Variants in MIPOL1 observed in about 807,000 individuals in gnomAD.
MIPOL1 encodes the protein mirror-image polydactyly gene 1 protein.
Under a neutral mutation model 60.9 loss-of-function variants are expected in MIPOL1, and 57 were observed. The ratio of observed to expected loss-of-function variants is 0.94; its 90% CI spans 0.76 to 1.17. The LOEUF (loss-of-function observed/expected upper bound fraction) is 1.17, where lower values mean the gene tolerates loss of function less well. Among genes scored for constraint, MIPOL1 ranks in the 50% most tolerant of loss-of-function variants. The probability of loss-of-function intolerance (pLI) is 0.00; values close to 1 mark genes in which losing one functional copy is unlikely to be tolerated. For missense variants in MIPOL1, 551 were observed against 511.6 expected (o/e 1.08, Z -0.74); for synonymous variants, 179 against 168.8 (o/e 1.06, Z -0.47).
intron 9 of MIPOL1, among the ~76,000 whole-genome samples, chr14:37,310,199 C>CTCTG (rs1555390616): frequency 3.3e-5 from 5 of 152,068 alleles, no homozygotes; most frequent in African/African-American, 1.2e-4. Flanking sequence ...AAATGAATCT[C>CTCTG]TCTGTTTTGT....
chr14:37,395,675 T>C (rs1193780807), intron 10 of MIPOL1, among the ~76,000 whole-genome samples: 1 of 152,168 alleles, frequency 6.6e-6, no homozygotes, highest in East Asian at 1.9e-4. Context: ...TTTAGAGTTT[T>C]TGAGGTAAAC....
chr14:37,418,423 A>T (rs2093809902), intron 10 of MIPOL1, among the ~76,000 whole-genome samples: 1 of 152,154 alleles, frequency 6.6e-6, no homozygotes. Context: ...TAACTATAAG[A>T]CTAACCTTAG....
At chr14:37,366,731 T>C (rs550373855) in intron 9 of MIPOL1, among the ~76,000 whole-genome samples, 2 of 152,190 alleles carry the variant, frequency 1.3e-5, no homozygotes, top group East Asian at 3.9e-4. Context: ...AATATGTTCA[T>C]CTCTGAAAGT....
At chr14:37,517,834 A>C in intron 12 of MIPOL1, among the ~76,000 whole-genome samples, 1 of 152,196 alleles carries the variant, frequency 6.6e-6, no homozygotes, top group East Asian at 1.9e-4. Context: ...TCAGCCAGAA[A>C]CTAAAATGAT....
chr14:37,473,975 A>G (rs1172491584), intron 11 of MIPOL1, among the ~76,000 whole-genome samples: 2 of 152,036 alleles, frequency 1.3e-5, no homozygotes, highest in African/African-American at 2.4e-5. Context: ...TAATGTCTCT[A>G]TAGTTTAGTT....
At chr14:37,349,991 G>C (rs1226131285) in intron 9 of MIPOL1, among the ~76,000 whole-genome samples, 1 of 152,038 alleles carries the variant, frequency 6.6e-6, no homozygotes, top group African/African-American at 2.4e-5. Flanking sequence ...TTTTAAATCT[G>C]AATTATTAAA....
chr14:37,427,913 A>G (rs1011232708), intron 11 of MIPOL1, among the ~76,000 whole-genome samples: 7 of 152,212 alleles, frequency 4.6e-5, no homozygotes, highest in Admixed American at 2.0e-4. Context: ...GAAGGAACCT[A>G]AAACTAACTG....
chr14:37,394,427 G>T (rs2153523132), intron 10 of MIPOL1, among the ~76,000 whole-genome samples: 1 of 151,900 alleles, frequency 6.6e-6, no homozygotes, highest in African/African-American at 2.4e-5. Context: ...GTCATCTACT[G>T]TTTTTTTGAT....
chr14:37,398,427 G>T (rs1041277514), intron 10 of MIPOL1, among the ~76,000 whole-genome samples: 1 of 152,064 alleles, frequency 6.6e-6, no homozygotes, highest in Admixed American at 6.6e-5. Flanking sequence ...GCTAAAATTC[G>T]CAATGTGAGC....
At position 37,268,643 on chromosome 14, in the gene MIPOL1, GTTTC is replaced by G; in HGVS notation, c.252-11_252-8del. On this transcript the variant is annotated splice_polypyrimidine_tract_variant and intron_variant, in intron 4 of 12. Transcript: ENST00000684589. ...TTATCTTACTCTGAAATGTTAATCA[GTTTC>G]TTTATTACAGCGTTATGGAACATAG... The G allele has an allele frequency of 6.4e-7, 1 of 1,558,934 alleles. No homozygotes were observed. Among genetic ancestry groups the G allele is most frequent in the Non-Finnish European group, 8.7e-7 (1 of 1,155,504 alleles).
At chr14:37,444,957 A>G (rs1055747842) in intron 11 of MIPOL1, among the ~76,000 whole-genome samples, 85 of 152,326 alleles carry the variant, frequency 5.6e-4, no homozygotes, top group African/African-American at 2.0e-3. Context: ...TGACAAACCC[A>G]CAGCCAATAT....
chr14:37,230,890 AATATT>A (rs1407125241), intron 1 of MIPOL1, among the ~76,000 whole-genome samples: 1 of 152,180 alleles, frequency 6.6e-6, no homozygotes, highest in Non-Finnish European at 1.5e-5. Context: ...AGTACAATTC[AATATT>A]TTACCTATTC....
chr14:37,549,243 G>A lies in MIPOL1; in HGVS notation c.*2272G>A, dbSNP rs1315845970. ...CACATCATCAACTCTAAATCCTATA[G>A]TAACATGAGAATTCACTTCTTCTTG... On this transcript the variant is annotated 3_prime_UTR_variant, in exon 13 of 13. Coordinates refer to ENST00000684589, the MANE Select transcript of MIPOL1 (RefSeq NM_001388067.1). 1 of 151,798 alleles carries A rather than the reference G, an allele frequency of 6.6e-6. No homozygotes were observed. Among genetic ancestry groups the A allele is most frequent in the African/African-American group, 2.4e-5 (1 of 41,372 alleles). 9.4% of individuals were successfully genotyped at this position (151,798 alleles called of 1,614,324 possible). A position where few individuals can be genotyped will look rare whatever the true frequency, so the allele number is the denominator to read the frequency against.
At chr14:37,416,551 A>G (rs956117839) in intron 10 of MIPOL1, among the ~76,000 whole-genome samples, 1 of 152,166 alleles carries the variant, frequency 6.6e-6, no homozygotes, top group African/African-American at 2.4e-5. Flanking sequence ...CACATAGAAA[A>G]AGTACAGTAA....
intron 11 of MIPOL1, among the ~76,000 whole-genome samples, chr14:37,472,723 TTCTGAGCTGGATTATGTTACCC>T (rs1013267442): frequency 6.6e-6 from 1 of 152,162 alleles, no homozygotes; most frequent in African/African-American, 2.4e-5. Flanking sequence ...ATAAGTCCTA[TTCTGAGCTGGATTATGTTACCC>T]TCTGAAGCAA....
chr14:37,460,114 AAT>A (rs1322032633), intron 11 of MIPOL1, among the ~76,000 whole-genome samples: 4 of 136,484 alleles, frequency 2.9e-5, no homozygotes, highest in African/African-American at 1.0e-4. Context: ...TAATAATAAT[AAT>A]AAAATTCTAG....
At chr14:37,365,040 T>A (rs2092422100) in intron 9 of MIPOL1, among the ~76,000 whole-genome samples, 1 of 152,234 alleles carries the variant, frequency 6.6e-6, no homozygotes. Context: ...TACTGATTTT[T>A]GTATGTTGAT....
intron 3 of MIPOL1, among the ~76,000 whole-genome samples, chr14:37,252,026 A>G (rs1974190094): frequency 6.6e-6 from 1 of 151,776 alleles, no homozygotes; most frequent in East Asian, 1.9e-4. Context: ...AATCTGCTAT[A>G]TTGTAAATAT....
intron 1 of MIPOL1, among the ~76,000 whole-genome samples, chr14:37,240,885 T>A (rs1355665578): frequency 6.6e-6 from 1 of 152,030 alleles, no homozygotes; most frequent in Admixed American, 6.5e-5. Context: ...CTTAATTTGA[T>A]GTCCTTTTAT....
Sources: gnomAD v4.1 joint callset for allele counts (sites outside exome capture counted in the v4.1 genomes callset) on GRCh38, gnomAD v4.1.1 for gene constraint, MANE v1.5 for transcripts, NCBI Gene and HGNC (gene_info 2026-07-23, HGNC 2026-07-21) for gene names.